Variants in GJB7 observed in about 807,000 individuals in gnomAD.
GJB7 encodes the protein gap junction beta-7 protein.
For missense variants in GJB7, 253 were observed against 256.8 expected, an observed-to-expected ratio of 0.99 and a Z score of 0.10; for synonymous variants, 87 against 95.2, an observed-to-expected ratio of 0.91 and a Z score of 0.50.
At chr6:87,321,443 C>G (rs1162815140) in intron 2 of GJB7, among the ~76,000 whole-genome samples, 1 of 152,018 alleles carries the variant, frequency 6.6e-6, no homozygotes, top group Admixed American at 6.6e-5. Flanking sequence ...TATATTTTAC[C>G]AGTCTTACGA....
chr6:87,328,937 C>T (rs955270767), intron 1 of GJB7, among the ~76,000 whole-genome samples: 5 of 152,222 alleles, frequency 3.3e-5, no homozygotes, highest in African/African-American at 9.6e-5. Context: ...GAACCACGTG[C>T]GGGATATAAT....
intron 2 of GJB7, among the ~76,000 whole-genome samples, chr6:87,300,709 T>C (rs1776308410): frequency 6.6e-6 from 1 of 152,390 alleles, no homozygotes; most frequent in African/African-American, 2.4e-5. Flanking sequence ...GCAACCACCA[T>C]GTACCAATGT....
At chr6:87,296,146 A>G (rs546636504) in intron 2 of GJB7, among the ~76,000 whole-genome samples, 1 of 152,380 alleles carries the variant, frequency 6.6e-6, no homozygotes, top group African/African-American at 2.4e-5. Flanking sequence ...GACTATAGTC[A>G]GGTGACAGAT....
At chr6:87,328,815 G>T (rs891194241) in intron 1 of GJB7, among the ~76,000 whole-genome samples, 15 of 152,278 alleles carry the variant, frequency 9.9e-5, no homozygotes, top group Admixed American at 4.6e-4. Context: ...GTTTACCTAA[G>T]CAAGCCTGGG....
At chr6:87,303,140 A>G (rs1776363169) in intron 2 of GJB7, among the ~76,000 whole-genome samples, 1 of 152,220 alleles carries the variant, frequency 6.6e-6, no homozygotes, top group Non-Finnish European at 1.5e-5. Context: ...ATAACCAGCT[A>G]ACATCATAAT....
intron 2 of GJB7, among the ~76,000 whole-genome samples, chr6:87,304,464 G>C (rs1582561611): frequency 6.6e-6 from 1 of 152,240 alleles, no homozygotes; most frequent in South Asian, 2.1e-4. Flanking sequence ...ACCCTCCCAA[G>C]ACTAAACCAG....
At chr6:87,304,364 A>T (rs1168721796) in intron 2 of GJB7, among the ~76,000 whole-genome samples, 3 of 152,254 alleles carry the variant, frequency 2.0e-5, no homozygotes, top group South Asian at 2.1e-4. Flanking sequence ...TCCCACAGAA[A>T]TACAAACTAC....
intron 2 of GJB7, among the ~76,000 whole-genome samples, chr6:87,314,800 T>C (rs1145714): frequency 0.62 from 94,950 of 152,036 alleles, 30,127 homozygotes; most frequent in African/African-American, 0.7. Flanking sequence ...AATCCAGCTG[T>C]AAGCAAAACT....
intron 2 of GJB7, among the ~76,000 whole-genome samples, chr6:87,308,134 C>T (rs974680626): frequency 6.6e-6 from 1 of 151,916 alleles, no homozygotes; most frequent in Non-Finnish European, 1.5e-5. Flanking sequence ...GGAGAAAAAA[C>T]CAAACACCGC....
At chr6:87,307,993 T>C (rs1011493474) in intron 2 of GJB7, among the ~76,000 whole-genome samples, 2 of 152,162 alleles carry the variant, frequency 1.3e-5, no homozygotes, top group Admixed American at 1.3e-4. Context: ...CCTTCAATGA[T>C]AGACTGGATT....
chr6:87,315,150 C>T (rs928322700), intron 2 of GJB7, among the ~76,000 whole-genome samples: 1 of 152,144 alleles, frequency 6.6e-6, no homozygotes, highest in Admixed American at 6.5e-5. Flanking sequence ...CTGGATGCTG[C>T]TTTTCAGGAG....
At chr6:87,321,519 G>A (rs374855147) in intron 2 of GJB7, among the ~76,000 whole-genome samples, 3 of 152,198 alleles carry the variant, frequency 2.0e-5, no homozygotes, top group East Asian at 3.9e-4. Flanking sequence ...GTATAATGAG[G>A]CATATCCAAC....
In GJB7 at chr6:87,284,902, A is replaced by T. The variant is rs1196664540; in HGVS notation, c.11T>A (p.Met4Lys). The T allele has an allele frequency of 6.2e-7, 1 of 1,610,970 alleles. No homozygotes were observed. Among genetic ancestry groups the T allele is most frequent in the Admixed American group, 1.7e-5 (1 of 59,912 alleles). Residue 4 changes from methionine (M) to lysine (K), a missense_variant, in exon 3 of 3, where the codon ATG (methionine) becomes AAG (lysine). Met to Lys is a moderately conservative substitution (Grantham distance 95, BLOSUM62 -1). Transcript: ENST00000525899. MSWMFLRDLLSGVN... is the reference protein window; with the variant it reads MSWKFLRDLLSGVN... ...TCCACTCAGGAGATCTCTGAGGAAC[A>T]TCCAACTCATGACTTAGGCTCAAAA...
chr6:87,313,916 T>C (rs944844142), intron 2 of GJB7, among the ~76,000 whole-genome samples: 2 of 152,214 alleles, frequency 1.3e-5, no homozygotes, highest in African/African-American at 2.4e-5. Flanking sequence ...CAGGTGATTC[T>C]AATGCATGCT....
chr6:87,287,337 C>T (rs1167236827), intron 2 of GJB7, among the ~76,000 whole-genome samples: 1 of 152,128 alleles, frequency 6.6e-6, no homozygotes, highest in Non-Finnish European at 1.5e-5. Flanking sequence ...TGAGTGGAAA[C>T]GGGGAGTTAA....
chr6:87,323,491 T>C (rs1776725416), intron 1 of GJB7, among the ~76,000 whole-genome samples: 1 of 145,254 alleles, frequency 6.9e-6, no homozygotes, highest in Admixed American at 7.2e-5. Context: ...GTTCCCATTG[T>C]TCAATTCCCA....
intron 2 of GJB7, among the ~76,000 whole-genome samples, chr6:87,312,368 C>T (rs1351642559): frequency 1.3e-5 from 2 of 151,856 alleles, no homozygotes; most frequent in African/African-American, 4.8e-5. Flanking sequence ...AAAAATTAGC[C>T]AGGCATGTTG....
At chr6:87,298,254 GAGAA>G (rs1339229534) in intron 2 of GJB7, among the ~76,000 whole-genome samples, 1 of 152,256 alleles carries the variant, frequency 6.6e-6, no homozygotes, top group Non-Finnish European at 1.5e-5. Context: ...AGATCACTGA[GAGAA>G]AGAAAATTCA....
At position 87,322,971 on chromosome 6, in the gene GJB7, G is replaced by A. The variant is rs776399394; in HGVS notation, c.-133C>T. 2 of 152,188 alleles carry A rather than the reference G, an allele frequency of 1.3e-5. No individual in the cohort carries two copies. The highest frequency in any genetic ancestry group is 4.8e-5 in the African/African-American group (2 of 41,418). 9.4% of individuals were successfully genotyped at this position (152,188 alleles called of 1,614,324 possible). A position where few individuals can be genotyped will look rare whatever the true frequency, so the allele number is the denominator to read the frequency against. ...GTGTCTTGGCTCACCAGACTCATAGGGGAACATGGTGGTGTTTTGAGGAGA... is the reference window on the plus strand; with the variant it reads ...GTGTCTTGGCTCACCAGACTCATAGAGGAACATGGTGGTGTTTTGAGGAGA... On this transcript the variant is annotated 5_prime_UTR_variant, in exon 2 of 3. Transcript: ENST00000525899.
Sources: allele counts gnomAD v4.1 joint callset (sites outside exome capture counted in the v4.1 genomes callset), GRCh38; gene constraint gnomAD v4.1.1; transcripts MANE v1.5; gene names NCBI Gene and HGNC (gene_info 2026-07-23, HGNC 2026-07-21).